The following DIAPH2 variants were observed in gnomAD, a reference collection of about 807,000 sequenced individuals.
The protein encoded by DIAPH2 is diaphanous related formin 2, also known as protein diaphanous homolog 2.
In DIAPH2, 35 loss-of-function variants were observed where a neutral mutation model predicts 92.7. That is an observed-to-expected ratio of 0.38 (90% CI 0.29 to 0.50). The LOEUF is 0.50. Ranked by LOEUF, DIAPH2 falls within the 20% of genes least tolerant of loss-of-function variation. The pLI, the probability that DIAPH2 is intolerant of heterozygous loss-of-function variation, is 0.94. For synonymous variants in DIAPH2, 301 were observed against 280.4 expected (o/e 1.07, Z -0.73); for missense variants, 701 against 819.5 (o/e 0.86, Z 1.77).
At position 97,278,051 on chromosome X, in the gene DIAPH2, G is replaced by T. The variant is rs139358985; in HGVS notation, c.2844+30212G>T. Among the ~76,000 whole-genome samples the T allele has an allele frequency of 9.8e-3, 1,099 of 111,641 alleles. 10 individuals carry two copies. The highest frequency in any genetic ancestry group is 0.034 in the African/African-American group (1,056 of 30,753). Reference sequence around the variant, plus strand: ...AGTAGAGACAGGGTTTCACCATGTTGGCTAGGGTGGTCTCAATCTCTTGAC... The same window carrying T: ...AGTAGAGACAGGGTTTCACCATGTTTGCTAGGGTGGTCTCAATCTCTTGAC... On this transcript the variant is annotated intron_variant, in intron 23 of 26. Coordinates refer to ENST00000324765, the MANE Select transcript of DIAPH2 (RefSeq NM_006729.5).
At chrX:97,143,569 A>G (rs1252452059) in intron 22 of DIAPH2, among the ~76,000 whole-genome samples, 1 of 110,505 alleles carries the variant, frequency 9.0e-6, no homozygotes, top group Non-Finnish European at 1.9e-5. Flanking sequence ...AGGTATTTAT[A>G]TAAACCTCAA....
At chrX:97,130,679 G>A (rs1218312126) in intron 21 of DIAPH2, among the ~76,000 whole-genome samples, 2 of 111,448 alleles carry the variant, frequency 1.8e-5, no homozygotes, top group Non-Finnish European at 1.9e-5. Flanking sequence ...GATGGATAGT[G>A]GTGATGGTTG....
At chrX:97,167,690 A>G (rs1300245639) in intron 22 of DIAPH2, among the ~76,000 whole-genome samples, 1 of 111,785 alleles carries the variant, frequency 8.9e-6, no homozygotes, top group African/African-American at 3.3e-5. Context: ...GTTGTACTGT[A>G]CCAATTTATA....
intron 23 of DIAPH2, among the ~76,000 whole-genome samples, chrX:97,318,984 A>AT (rs1157308489): frequency 3.6e-5 from 4 of 111,150 alleles, no homozygotes; most frequent in East Asian, 2.8e-4. Context: ...CAGTAGCTGT[A>AT]TTTTTTTTCC....
intron 23 of DIAPH2, among the ~76,000 whole-genome samples, chrX:97,312,375 G>C (rs1415615293): frequency 1.9e-5 from 1 of 53,996 alleles, no homozygotes; most frequent in Admixed American, 3.2e-4. Flanking sequence ...TTTTTTTTGA[G>C]ATGGAGCTCT....
At chrX:97,333,515 C>T (rs908832346) in intron 23 of DIAPH2, among the ~76,000 whole-genome samples, 3 of 111,072 alleles carry the variant, frequency 2.7e-5, no homozygotes, top group South Asian at 3.9e-4. Flanking sequence ...TCTCTCTAGC[C>T]ACTAATATCT....
intron 26 of DIAPH2, among the ~76,000 whole-genome samples, chrX:97,465,005 G>A (rs746435419): frequency 2.7e-5 from 3 of 110,499 alleles, no homozygotes; most frequent in African/African-American, 9.9e-5. Context: ...GCACCACCAC[G>A]CCTGGCTAAT....
intron 26 of DIAPH2, among the ~76,000 whole-genome samples, chrX:97,575,601 T>C: frequency 8.9e-6 from 1 of 111,764 alleles, no homozygotes; most frequent in African/African-American, 3.2e-5. Context: ...AAAGTTAGGA[T>C]ATATAAAAAG....
At chrX:97,481,329 C>A (rs1268498399) in intron 26 of DIAPH2, among the ~76,000 whole-genome samples, 1 of 111,233 alleles carries the variant, frequency 9.0e-6, no homozygotes, top group Non-Finnish European at 1.9e-5. Context: ...ACAAGAAGTA[C>A]CAAGTGGACA....
chrX:96,939,484 G>GTGTGTATATATATATATATATA (rs745521574), intron 12 of DIAPH2, 102 bp downstream of exon 12: 43 of 145,190 alleles, frequency 3.0e-4, no homozygotes, highest in Admixed American at 7.6e-4. Flanking sequence ...ATATGTGTGT[G>GTGTGTATATATATATATATATA]TATGTATATA....
intron 23 of DIAPH2, among the ~76,000 whole-genome samples, chrX:97,276,343 TTTTA>T (rs757242438): frequency 2.1e-4 from 23 of 111,797 alleles, no homozygotes; most frequent in Non-Finnish European, 4.0e-4. Flanking sequence ...TTAATTTTTA[TTTTA>T]TTTGAGTTCA....
At chrX:96,738,263 A>T (rs2064099160) in intron 2 of DIAPH2, among the ~76,000 whole-genome samples, 1 of 111,509 alleles carries the variant, frequency 9.0e-6, no homozygotes, top group African/African-American at 3.3e-5. Flanking sequence ...GCCACCAAAG[A>T]CACACTCTCC....
intron 3 of DIAPH2, among the ~76,000 whole-genome samples, chrX:96,755,868 CTT>C (rs759402738): frequency 3.0e-5 from 3 of 100,582 alleles, no homozygotes; most frequent in African/African-American, 3.6e-5. Context: ...TTCTTTCTTC[CTT>C]TTTTTTTTTT....
At chrX:97,283,393 A>G (rs929217677) in intron 23 of DIAPH2, among the ~76,000 whole-genome samples, 2 of 111,799 alleles carry the variant, frequency 1.8e-5, no homozygotes, top group Non-Finnish European at 3.8e-5. Context: ...CCAAGCTCAC[A>G]TAGATAACAA....
At chrX:97,449,873 C>A in intron 26 of DIAPH2, among the ~76,000 whole-genome samples, 1 of 111,427 alleles carries the variant, frequency 9.0e-6, no homozygotes, top group Middle Eastern at 4.7e-3. Flanking sequence ...ATTCTACTCA[C>A]TAAAATTGCT....
intron 4 of DIAPH2, among the ~76,000 whole-genome samples, chrX:96,844,324 A>G (rs2064957000): frequency 8.9e-6 from 1 of 112,645 alleles, no homozygotes; most frequent in African/African-American, 3.2e-5. Flanking sequence ...TTAACCATTT[A>G]AACCACCATC....
chrX:97,112,878 A>T (rs1325711662), intron 20 of DIAPH2, among the ~76,000 whole-genome samples: 1 of 99,421 alleles, frequency 1.0e-5, no homozygotes, highest in Non-Finnish European at 2.0e-5. Flanking sequence ...ACCAGGCTCA[A>T]GCGATTCTCC....
chrX:97,269,889 A>G (rs1256268841), intron 23 of DIAPH2, among the ~76,000 whole-genome samples: 2 of 109,825 alleles, frequency 1.8e-5, no homozygotes, highest in Non-Finnish European at 3.8e-5. Flanking sequence ...AGTAGCTGGA[A>G]TTACAGGCAT....
intron 23 of DIAPH2, among the ~76,000 whole-genome samples, chrX:97,251,493 C>T (rs1481269208): frequency 9.3e-6 from 1 of 107,694 alleles, no homozygotes; most frequent in African/African-American, 3.4e-5. Flanking sequence ...AGTGCAGTGG[C>T]GCGATCCCGG....
Sources: allele counts gnomAD v4.1 joint callset (sites outside exome capture counted in the v4.1 genomes callset), GRCh38; gene constraint gnomAD v4.1.1; transcripts MANE v1.5; gene names NCBI Gene and HGNC (gene_info 2026-07-23, HGNC 2026-07-21).